Variants in C6 observed in about 807,000 individuals in gnomAD.
The protein encoded by C6 is complement component C6.
In C6, 101 loss-of-function variants were observed where a neutral mutation model predicts 112.9. That is an observed-to-expected ratio of 0.89 (90% confidence interval 0.76 to 1.06). The LOEUF (loss-of-function observed/expected upper bound fraction) is 1.06. Among genes scored for constraint, C6 ranks in the 50% least tolerant of loss-of-function variants. The pLI is 0.00. For synonymous variants in C6, 431 were observed against 384.1 expected (o/e 1.12, Z -1.43); for missense variants, 1,202 against 1,104.6 (o/e 1.09, Z -1.25).
chr5:41,243,023 A>G (rs1740820538), intron 1 of C6, among the ~76,000 whole-genome samples: 1 of 152,186 alleles, frequency 6.6e-6, no homozygotes, highest in African/African-American at 2.4e-5. Context: ...AAGATAATGG[A>G]TAAAGTATAC....
chr5:41,164,165 T>TA (rs148188417), intron 9 of C6, among the ~76,000 whole-genome samples: 1 of 151,824 alleles, frequency 6.6e-6, no homozygotes, highest in African/African-American at 2.4e-5. Flanking sequence ...GAAAGGAAAT[T>TA]AAAAAGACCA....
intron 17 of C6, among the ~76,000 whole-genome samples, chr5:41,147,263 T>C: frequency 6.6e-6 from 1 of 152,098 alleles, no homozygotes; most frequent in East Asian, 1.9e-4. Flanking sequence ...AAATGAATAG[T>C]AGAGTTTTTG....
intron 1 of C6, among the ~76,000 whole-genome samples, chr5:41,211,149 A>G (rs1751885878): frequency 6.6e-6 from 1 of 152,100 alleles, no homozygotes; most frequent in South Asian, 2.1e-4. Flanking sequence ...AGAAAACCAA[A>G]CACTGAATGT....
intron 1 of C6, among the ~76,000 whole-genome samples, chr5:41,239,775 C>T (rs1249170775): frequency 6.6e-6 from 1 of 152,116 alleles, no homozygotes; most frequent in African/African-American, 2.4e-5. Context: ...CTCCCTGAAG[C>T]ATATCTTTCA....
chr5:41,149,132 G>T, intron 17 of C6, 109 bp downstream of exon 17: 1 of 1,352,274 alleles, frequency 7.4e-7, no homozygotes, highest in Non-Finnish European at 1.1e-6. Flanking sequence ...TTTTTACAAT[G>T]AAAAGGAATT....
intron 1 of C6, among the ~76,000 whole-genome samples, chr5:41,246,371 C>G (rs994225852): frequency 1.3e-5 from 2 of 152,174 alleles, no homozygotes; most frequent in Non-Finnish European, 2.9e-5. Context: ...CTTTTACATC[C>G]TCACTGATGC....
chr5:41,252,612 T>C (rs535872816), intron 1 of C6, among the ~76,000 whole-genome samples: 2 of 152,348 alleles, frequency 1.3e-5, no homozygotes, highest in South Asian at 2.1e-4. Flanking sequence ...TGCAAAGCCA[T>C]CTCTTTTGGG....
At chr5:41,151,610 TG>T (rs1253891110) in intron 15 of C6, among the ~76,000 whole-genome samples, 1 of 152,140 alleles carries the variant, frequency 6.6e-6, no homozygotes, top group African/African-American at 2.4e-5. Flanking sequence ...TATTTGTCTA[TG>T]GGGGAATCAC....
rs1183099438 is a variant in C6 at position 41,213,421 on chromosome 5, T to C, written c.-66A>G. 3 of 985,350 alleles carry C rather than the reference T, an allele frequency of 3.0e-6. No individual in the cohort carries two copies. Among genetic ancestry groups the C allele is most frequent in the African/African-American group, 1.7e-5 (1 of 57,368 alleles). 61.0% of individuals were successfully genotyped at this position (985,350 alleles called of 1,614,324 possible). The stretch of plus-strand genomic sequence containing the variant: ...GTCCTCGGACCTAAGCTGCAAATTA[T>C]TGGGGAAAAAATAGGTATGCAGAAT... On this transcript the variant is annotated 5_prime_UTR_variant, in exon 1 of 18. Transcript: ENST00000337836.
At chr5:41,155,743 A>AAAAC (rs1271380960) in intron 13 of C6, among the ~76,000 whole-genome samples, 1 of 151,976 alleles carries the variant, frequency 6.6e-6, no homozygotes, top group East Asian at 1.9e-4. Context: ...CAAAAACCAA[A>AAAAC]AAACAAACAA....
At chr5:41,209,237 A>G (rs1751695917) in intron 1 of C6, among the ~76,000 whole-genome samples, 1 of 152,232 alleles carries the variant, frequency 6.6e-6, no homozygotes, top group Non-Finnish European at 1.5e-5. Context: ...AATAAGAGCT[A>G]TTTATGACAA....
chr5:41,249,314 T>G (rs901039549), intron 1 of C6, among the ~76,000 whole-genome samples: 4 of 152,126 alleles, frequency 2.6e-5, no homozygotes, highest in Non-Finnish European at 5.9e-5. Flanking sequence ...TAAAAAAAAG[T>G]CAGTTCAAGT....
At chr5:41,228,158 A>C (rs957873763) in intron 1 of C6, among the ~76,000 whole-genome samples, 13 of 151,990 alleles carry the variant, frequency 8.6e-5, no homozygotes, top group African/African-American at 3.1e-4. Context: ...ATTAATATAT[A>C]GTTTTCAGTA....
At chr5:41,179,630 G>A (rs1302958007) in intron 7 of C6, among the ~76,000 whole-genome samples, 1 of 149,514 alleles carries the variant, frequency 6.7e-6, no homozygotes, top group Non-Finnish European at 1.5e-5. Flanking sequence ...GGGCTCTATA[G>A]GACCCACAGC....
chr5:41,243,188 G>A (rs1376011394), intron 1 of C6, among the ~76,000 whole-genome samples: 1 of 152,106 alleles, frequency 6.6e-6, no homozygotes, highest in African/African-American at 2.4e-5. Context: ...TTGAGATGAT[G>A]ACATGTCAAC....
chr5:41,217,179 A>G (rs1369110548), upstream of C6, among the ~76,000 whole-genome samples: 2 of 152,062 alleles, frequency 1.3e-5, no homozygotes, highest in Admixed American at 1.3e-4. Flanking sequence ...ACATTTCACA[A>G]TCATTTTCAC....
At chr5:41,185,282 A>G (rs1749680776) in intron 6 of C6, among the ~76,000 whole-genome samples, 1 of 152,200 alleles carries the variant, frequency 6.6e-6, no homozygotes, top group Non-Finnish European at 1.5e-5. Context: ...GCCTGTATTT[A>G]TATGTATATA....
At chr5:41,209,293 C>G (rs1196123028) in intron 1 of C6, among the ~76,000 whole-genome samples, 1 of 152,162 alleles carries the variant, frequency 6.6e-6, no homozygotes, top group Non-Finnish European at 1.5e-5. Context: ...TGGAAGCATT[C>G]CCTTTGAAAA....
Position 41,161,770 on chromosome 5 carries a change from T to A in C6, c.1381A>T (p.Ser461Cys). ...AATGTCTTCTCCTCCAGACCAGAGC[T>A]CCCTTTCTCCCATGCCAAAGCTGCT... is the stretch of plus-strand genomic sequence containing the variant. ...YGAALAWEKG[S>C]SGLEEKTFSE... Residue 461 changes from serine (S) to cysteine (C), a missense_variant, in exon 10 of 18, where the codon AGC becomes TGC. By Grantham distance (112) the Ser-to-Cys change is moderately radical. Transcript: ENST00000337836. 1 of 1,613,618 alleles carries A rather than the reference T, an allele frequency of 6.2e-7. No homozygotes were observed. Among genetic ancestry groups the A allele is most frequent in the Non-Finnish European group, 8.5e-7 (1 of 1,179,632 alleles).
Sources: allele counts gnomAD v4.1 joint callset (sites outside exome capture counted in the v4.1 genomes callset), GRCh38; gene constraint gnomAD v4.1.1; transcripts MANE v1.5; gene names NCBI Gene and HGNC (gene_info 2026-07-23, HGNC 2026-07-21).